Variants in STK3 observed in about 807,000 individuals in gnomAD.
STK3 encodes serine/threonine-protein kinase 3.
STK3 carries 41 observed loss-of-function variants against 58.0 expected under a neutral mutation model. That is an observed-to-expected ratio of 0.71 (90% CI 0.55 to 0.92). The LOEUF (loss-of-function observed/expected upper bound fraction) is 0.92, where lower values mean the gene tolerates loss of function less well. Among genes scored for constraint, STK3 ranks in the 40% least tolerant of loss-of-function variants. The pLI is 0.00. For synonymous variants in STK3, 170 were observed against 191.0 expected (o/e 0.89, Z 0.91); for missense variants, 479 against 602.7 (o/e 0.79, Z 2.15).
intron 1 of STK3, among the ~76,000 whole-genome samples, chr8:98,448,556 G>C (rs1002839094): frequency 6.6e-6 from 1 of 152,058 alleles, no homozygotes; most frequent in African/African-American, 2.4e-5. Flanking sequence ...TGAACATCAG[G>C]GAATATTTAA....
At chr8:98,727,941 T>C (rs2131227045) in intron 4 of STK3, among the ~76,000 whole-genome samples, 1 of 152,360 alleles carries the variant, frequency 6.6e-6, no homozygotes, top group South Asian at 2.1e-4. Context: ...TTCGAGAAAC[T>C]TGGTGAATAT....
chr8:98,649,214 T>A (rs1820670010), intron 6 of STK3, among the ~76,000 whole-genome samples: 1 of 152,216 alleles, frequency 6.6e-6, no homozygotes, highest in South Asian at 2.1e-4. Flanking sequence ...TGACACTAAT[T>A]TGTAGTTTTT....
chr8:98,351,869 CT>C, the STK3 span, among the ~76,000 whole-genome samples: 1 of 152,252 alleles, frequency 6.6e-6, no homozygotes, highest in South Asian at 2.1e-4. Context: ...TTAAAGACTA[CT>C]GGGGTTTGGC....
rs532950208 is a variant in STK3, at chr8:98,831,409, T to C, written c.110+52238A>G. On this transcript the variant is annotated intron_variant, in intron 3 of 12. Transcript: ENST00000523601. ...CCGGGACTATAGGCATCCACCACCATGCCCAGCTAAGTTTACTTTTGAGTT... is the reference window on the plus strand; with the variant it reads ...CCGGGACTATAGGCATCCACCACCACGCCCAGCTAAGTTTACTTTTGAGTT... Among the ~76,000 whole-genome samples the C allele has an allele frequency of 4.5e-4, 69 of 152,268 alleles. 1 individual carries two copies. The Middle Eastern group carries it at 0.01, about 23-fold the overall frequency.
At chr8:98,855,577 A>G (rs1365548837) in intron 3 of STK3, among the ~76,000 whole-genome samples, 1 of 152,226 alleles carries the variant, frequency 6.6e-6, no homozygotes, top group Non-Finnish European at 1.5e-5. Flanking sequence ...ATATAGGGGT[A>G]TATTTTCATG....
At chr8:98,484,740 A>C (rs1159981111) in intron 10 of STK3, among the ~76,000 whole-genome samples, 1 of 152,098 alleles carries the variant, frequency 6.6e-6, no homozygotes, top group Non-Finnish European at 1.5e-5. Flanking sequence ...AAAATACTAT[A>C]TATAATAGAA....
intron 3 of STK3, among the ~76,000 whole-genome samples, chr8:98,408,012 G>A (rs952949652): frequency 4.6e-5 from 7 of 152,256 alleles, no homozygotes; most frequent in Non-Finnish European, 7.4e-5. Flanking sequence ...CCACTTCATC[G>A]GCTTTGCAGA....
At chr8:98,930,948 G>C (rs1299787386) in intron 1 of STK3, among the ~76,000 whole-genome samples, 1 of 152,216 alleles carries the variant, frequency 6.6e-6, no homozygotes, top group African/African-American at 2.4e-5. Context: ...GCCCAAGAAG[G>C]ATGGAGCTGA....
chr8:98,466,307 C>T (rs1820458001), intron 10 of STK3, among the ~76,000 whole-genome samples: 1 of 152,108 alleles, frequency 6.6e-6, no homozygotes, highest in Admixed American at 6.5e-5. Context: ...CTCTGTGGAG[C>T]AATAATATAA....
At chr8:98,906,649 G>C (rs1042179947) in intron 1 of STK3, 9 of 152,166 alleles carry the variant, frequency 5.9e-5, no homozygotes, top group Non-Finnish European at 5.9e-5. Flanking sequence ...AAAATTGCAA[G>C]TATTAAAAAA....
intron 6 of STK3, among the ~76,000 whole-genome samples, chr8:98,682,939 A>C (rs1341881817): frequency 6.6e-6 from 1 of 152,096 alleles, no homozygotes; most frequent in East Asian, 1.9e-4. Context: ...CTCTGGCACA[A>C]ATAGTTACTA....
chr8:98,589,975 C>T (rs905202875), intron 7 of STK3, among the ~76,000 whole-genome samples: 1 of 152,144 alleles, frequency 6.6e-6, no homozygotes, highest in Admixed American at 6.5e-5. Context: ...GGTGCACGCA[C>T]CCACTGACCT....
At chr8:98,821,754 T>G (rs1027555852) in intron 1 of STK3, among the ~76,000 whole-genome samples, 1 of 152,090 alleles carries the variant, frequency 6.6e-6, no homozygotes, top group Non-Finnish European at 1.5e-5. Flanking sequence ...TAAAAACTAC[T>G]CTGGTACCTC....
chr8:98,737,896 G>C (rs1828749839), intron 4 of STK3, among the ~76,000 whole-genome samples: 1 of 152,066 alleles, frequency 6.6e-6, no homozygotes, highest in Non-Finnish European at 1.5e-5. Context: ...TTTTAGTAGA[G>C]ACAGAGTTTT....
downstream of STK3, among the ~76,000 whole-genome samples, chr8:98,370,217 T>G (rs1450491353): frequency 6.6e-6 from 1 of 151,534 alleles, no homozygotes; most frequent in Non-Finnish European, 1.5e-5. Context: ...CTTTAATGTT[T>G]GTTGGGTGGG....
the STK3 span, among the ~76,000 whole-genome samples, chr8:98,361,158 A>G: frequency 6.6e-6 from 1 of 152,316 alleles, no homozygotes; most frequent in South Asian, 2.1e-4. Context: ...GAGAGAACTT[A>G]CACCTGACTT....
intron 4 of STK3, among the ~76,000 whole-genome samples, chr8:98,735,682 A>C (rs1187032041): frequency 6.6e-6 from 1 of 152,138 alleles, no homozygotes. Flanking sequence ...CACTACCATT[A>C]ATTACCACAA....
intron 6 of STK3, among the ~76,000 whole-genome samples, chr8:98,647,244 T>C (rs1820473140): frequency 6.6e-6 from 1 of 151,960 alleles, no homozygotes; most frequent in Admixed American, 6.6e-5. Context: ...AAATATCACC[T>C]TCCCAAGGAG....
chr8:98,424,796 A>G (rs4236852), intron 3 of STK3, among the ~76,000 whole-genome samples: 139,094 of 152,258 alleles, frequency 0.91, 63,747 homozygotes, highest in Admixed American at 0.95. Context: ...GCACTGAGCT[A>G]AACCAGAATA....
Sources: gnomAD v4.1 joint callset for allele counts (sites outside exome capture counted in the v4.1 genomes callset) on GRCh38, gnomAD v4.1.1 for gene constraint, MANE v1.5 for transcripts, NCBI Gene and HGNC (gene_info 2026-07-23, HGNC 2026-07-21) for gene names.